The following GALM variants were observed in gnomAD, a reference collection of about 807,000 sequenced individuals.
GALM encodes galactose mutarotase.
A neutral mutation model predicts 37.4 loss-of-function variants in GALM; 43 were observed. That is an observed-to-expected ratio of 1.15 (90% CI 0.90 to 1.48). The LOEUF is 1.48. GALM is among the 40% of genes most tolerant of loss of function. GALM has a pLI of 0.00. For synonymous variants in GALM, 199 were observed against 170.6 expected (o/e 1.17, Z -1.30); for missense variants, 456 against 419.1 (o/e 1.09, Z -0.77).
intron 4 of GALM, among the ~76,000 whole-genome samples, chr2:38,691,555 G>A (rs536391153): frequency 1.3e-5 from 2 of 151,708 alleles, no homozygotes; most frequent in South Asian, 4.2e-4. Context: ...GTGGTAACAC[G>A]CACCTGGGGT....
At chr2:38,731,678 T>C (rs926924873) in intron 5 of GALM, 57 bp from the exon 6 acceptor site, 1 of 1,379,906 alleles carries the variant, frequency 7.2e-7, no homozygotes, top group South Asian at 1.2e-5. Flanking sequence ...TCCCAGCTTC[T>C]ACTCCTCCCC....
intron 3 of GALM, chr2:38,682,149 G>GA: frequency 3.5e-6 from 1 of 288,330 alleles, no homozygotes; most frequent in Non-Finnish European, 7.6e-6. Context: ...CCCAGTGGGG[G>GA]ACCACTTGAA....
intron 4 of GALM, among the ~76,000 whole-genome samples, chr2:38,721,795 C>T (rs191158732): frequency 6.6e-6 from 1 of 152,130 alleles, no homozygotes; most frequent in African/African-American, 2.4e-5. Flanking sequence ...GGATTACAGG[C>T]GTGAGCCACC....
intron 2 of GALM, among the ~76,000 whole-genome samples, chr2:38,676,599 C>A (rs374529720): frequency 6.6e-6 from 1 of 151,972 alleles, no homozygotes; most frequent in East Asian, 1.9e-4. Context: ...CCCGTCTCTA[C>A]GAAAAATACA....
intron 2 of GALM, chr2:38,680,122 G>C (rs909252592): frequency 6.7e-6 from 3 of 447,002 alleles, no homozygotes; most frequent in African/African-American, 6.1e-5. Context: ...GGGCTCAAGC[G>C]ATCCTCCCTT....
At chr2:38,711,220 C>T (rs573570158) in intron 4 of GALM, among the ~76,000 whole-genome samples, 29 of 140,756 alleles carry the variant, frequency 2.1e-4, no homozygotes, top group Non-Finnish European at 4.2e-4. Context: ...CATGCAATGG[C>T]GCGATCTCAG....
intron 3 of GALM, among the ~76,000 whole-genome samples, chr2:38,688,251 C>G (rs934342175): frequency 8.6e-5 from 13 of 151,710 alleles, no homozygotes; most frequent in African/African-American, 1.2e-4. Flanking sequence ...GTGACTCACA[C>G]CTGTAATCCC....
intron 4 of GALM, among the ~76,000 whole-genome samples, chr2:38,703,335 A>G (rs1362365196): frequency 6.6e-6 from 1 of 150,710 alleles, no homozygotes; most frequent in Non-Finnish European, 1.5e-5. Context: ...CTAATTCCCG[A>G]CCTCAGGTGA....
chr2:38,688,202 A>G (rs1665588772), intron 3 of GALM, among the ~76,000 whole-genome samples: 1 of 138,054 alleles, frequency 7.2e-6, no homozygotes, highest in Non-Finnish European at 1.5e-5. Context: ...ACAGAGTGAG[A>G]CTCCGTCTCA....
At chr2:38,685,356 G>T (rs1665494616) in intron 3 of GALM, among the ~76,000 whole-genome samples, 2 of 152,230 alleles carry the variant, frequency 1.3e-5, no homozygotes, top group Admixed American at 6.5e-5. Context: ...GCTGGTAAAA[G>T]AGTTGCCATG....
intron 6 of GALM, 63 bp downstream of exon 6, chr2:38,731,972 T>G: frequency 1.6e-6 from 2 of 1,284,116 alleles, no homozygotes; most frequent in Non-Finnish European, 2.2e-6. Context: ...TACGACAGAG[T>G]TCACTACACT....
At chr2:38,722,783 G>C (rs1666409627) in intron 4 of GALM, among the ~76,000 whole-genome samples, 1 of 152,146 alleles carries the variant, frequency 6.6e-6, no homozygotes, top group African/African-American at 2.4e-5. Flanking sequence ...TTCTTAGTGA[G>C]AAAAATCAAG....
At chr2:38,708,746 A>G (rs1183220500) in intron 4 of GALM, among the ~76,000 whole-genome samples, 11 of 152,086 alleles carry the variant, frequency 7.2e-5, no homozygotes, top group East Asian at 1.9e-4. Context: ...AAAAAAAAAA[A>G]AAAGAAAGTG....
intron 2 of GALM, 63 bp from the exon 3 acceptor site, chr2:38,681,217 T>C: frequency 8.2e-7 from 1 of 1,224,948 alleles, no homozygotes; most frequent in South Asian, 1.2e-5. Flanking sequence ...CTTTAAATAT[T>C]GAAATATGGC....
At chr2:38,729,463 G>A (rs570573132) in intron 4 of GALM, 93 bp from the exon 5 acceptor site, 50 of 1,087,736 alleles carry the variant, frequency 4.6e-5, no homozygotes, top group African/African-American at 1.1e-4. Flanking sequence ...AAATGAAGGC[G>A]GAGAGAGTAG....
At chr2:38,673,984 A>G (rs1368566942) in intron 1 of GALM, among the ~76,000 whole-genome samples, 1 of 152,062 alleles carries the variant, frequency 6.6e-6, no homozygotes, top group Non-Finnish European at 1.5e-5. Flanking sequence ...GTGTTTGTGT[A>G]TTTATATATT....
At chr2:38,684,766 C>T (rs1296458873) in intron 3 of GALM, among the ~76,000 whole-genome samples, 1 of 152,126 alleles carries the variant, frequency 6.6e-6, no homozygotes, top group Non-Finnish European at 1.5e-5. Context: ...AAGATTGCGC[C>T]ACTGGACTCC....
chr2:38,688,569 T>C (rs905758423), intron 3 of GALM, among the ~76,000 whole-genome samples: 7 of 152,002 alleles, frequency 4.6e-5, no homozygotes, highest in Non-Finnish European at 1.0e-4. Context: ...TTATCCCCAA[T>C]TGAGAACCAC....
intron 4 of GALM, among the ~76,000 whole-genome samples, chr2:38,699,626 T>A (rs1405368070): frequency 6.6e-6 from 1 of 152,126 alleles, no homozygotes; most frequent in Admixed American, 6.5e-5. Flanking sequence ...AAGACCAGCC[T>A]GGACAACATA....
Sources: allele counts gnomAD v4.1 joint callset (sites outside exome capture counted in the v4.1 genomes callset), GRCh38; gene constraint gnomAD v4.1.1; transcripts MANE v1.5; gene names NCBI Gene and HGNC (gene_info 2026-07-23, HGNC 2026-07-21).